Variants in PDE1C observed in about 807,000 individuals in gnomAD.
PDE1C encodes the protein dual specificity calcium/calmodulin-dependent 3',5'-cyclic nucleotide phosphodiesterase 1C.
Under a neutral mutation model 93.1 loss-of-function variants are expected in PDE1C, and 62 were observed. The ratio of observed to expected loss-of-function variants is 0.67; its 90% confidence interval spans 0.54 to 0.82. The LOEUF (loss-of-function observed/expected upper bound fraction) is 0.82. Among genes scored for constraint, PDE1C ranks in the 40% least tolerant of loss-of-function variants. The pLI, the probability that PDE1C is intolerant of heterozygous loss-of-function variation, is 0.00. For missense variants in PDE1C, 742 were observed against 884.6 expected (o/e 0.84, Z 2.04); for synonymous variants, 325 against 310.1 (o/e 1.05, Z -0.50).
intron 16 of PDE1C, among the ~76,000 whole-genome samples, chr7:31,798,142 C>A (rs968777062): frequency 6.6e-6 from 1 of 151,810 alleles, no homozygotes; most frequent in Non-Finnish European, 1.5e-5. Context: ...AAACCACCAA[C>A]TGGCCAGTTG....
intron 1 of PDE1C, among the ~76,000 whole-genome samples, chr7:32,376,727 G>A (rs916382695): frequency 6.6e-6 from 1 of 151,902 alleles, no homozygotes; most frequent in Non-Finnish European, 1.5e-5. Context: ...TCACTCTGTC[G>A]TCCAGGCTGG....
chr7:32,397,170 T>C (rs960649734), intron 1 of PDE1C, among the ~76,000 whole-genome samples: 1 of 151,878 alleles, frequency 6.6e-6, no homozygotes, highest in Non-Finnish European at 1.5e-5. Context: ...AAAAATATCA[T>C]AACCAAAGCC....
At chr7:32,015,744 AG>A (rs1787814002) in intron 2 of PDE1C, among the ~76,000 whole-genome samples, 3 of 152,224 alleles carry the variant, frequency 2.0e-5, no homozygotes, top group African/African-American at 4.8e-5. Context: ...ACCAAAAAAA[AG>A]ATACATGGTT....
intron 2 of PDE1C, among the ~76,000 whole-genome samples, chr7:32,021,347 C>G (rs1054683016): frequency 1.3e-5 from 2 of 152,108 alleles, no homozygotes; most frequent in African/African-American, 4.8e-5. Context: ...AAACTTTTAT[C>G]TACAAACCCC....
chr7:32,135,877 A>G (rs906962172), intron 3 of PDE1C, among the ~76,000 whole-genome samples: 6 of 152,228 alleles, frequency 3.9e-5, no homozygotes, highest in Admixed American at 2.0e-4. Flanking sequence ...CTAAGTGTCC[A>G]TCAGAGGATG....
chr7:31,770,028 C>T (rs931311064), intron 17 of PDE1C, among the ~76,000 whole-genome samples: 9 of 152,188 alleles, frequency 5.9e-5, no homozygotes, highest in Admixed American at 2.0e-4. Context: ...CCACCAGCAA[C>T]ATGTGAGGGT....
intron 2 of PDE1C, among the ~76,000 whole-genome samples, chr7:31,920,503 A>G (rs546077112): frequency 1.3e-5 from 2 of 152,298 alleles, no homozygotes; most frequent in East Asian, 3.9e-4. Context: ...AGTAAAAGAC[A>G]GAAAAAGCCA....
rs1400465425 is a variant in PDE1C, at chr7:31,938,730, A to G, written c.129-57870T>C. 3.3e-5 allele frequency among the ~76,000 whole-genome samples: 5 copies of G among 152,304 alleles called. No homozygotes were observed. The South Asian group carries it at 8.3e-4, about 25-fold the overall frequency. On this transcript the variant is annotated intron_variant, in intron 2 of 17. Coordinates refer to ENST00000396191, the MANE Select transcript of PDE1C (RefSeq NM_001191057.4). ...CTGAATGACACACAGCTCCTAGCAC[A>G]TAAAACTATTCAATAATTCACAAAT...
chr7:32,393,080 T>C (rs925756316), intron 1 of PDE1C, among the ~76,000 whole-genome samples: 2 of 113,326 alleles, frequency 1.8e-5, no homozygotes, highest in African/African-American at 3.2e-5. Context: ...AAAGCACACA[T>C]ATACATTCAG....
At chr7:32,144,849 T>A (rs1800739881) in intron 3 of PDE1C, among the ~76,000 whole-genome samples, 1 of 152,214 alleles carries the variant, frequency 6.6e-6, no homozygotes, top group East Asian at 1.9e-4. Flanking sequence ...TCTGCAGTCA[T>A]GGCTGGGTGT....
intron 2 of PDE1C, among the ~76,000 whole-genome samples, chr7:31,961,055 T>G (rs1808867044): frequency 6.6e-6 from 1 of 152,158 alleles, no homozygotes; most frequent in African/African-American, 2.4e-5. Context: ...AAAGTGTCAC[T>G]TTCTGTTTGA....
chr7:32,345,936 T>G (rs1783845731), intron 1 of PDE1C, among the ~76,000 whole-genome samples: 1 of 152,244 alleles, frequency 6.6e-6, no homozygotes, highest in South Asian at 2.1e-4. Context: ...GTTTGGCATT[T>G]TCTTAACAAG....
intron 1 of PDE1C, among the ~76,000 whole-genome samples, chr7:32,378,800 C>T (rs1476854209): frequency 6.6e-6 from 1 of 152,170 alleles, no homozygotes; most frequent in Non-Finnish European, 1.5e-5. Context: ...ACACCCCTTC[C>T]CCTTGAAAAA....
rs58057588 is a variant in PDE1C, at chr7:32,128,953, A to AT, written c.308+40831_308+40832insA. Among the ~76,000 whole-genome samples the AT allele has an allele frequency of 5.6e-3, 585 of 104,838 alleles. 41 individuals carry two copies. The highest frequency in any genetic ancestry group is 0.025 in the African/African-American group (539 of 21,260). 68.8% of individuals were successfully genotyped at this position (104,838 alleles called of 152,430 possible). ...TATATATATATATATATATATATAT[A>AT]AAGAAAAATCTAAAAAAAACAGAAA... is the stretch of plus-strand genomic sequence containing the variant. On this transcript the variant is annotated intron_variant, in intron 3 of 18. Transcript: ENST00000396193.
At chr7:31,724,972 A>G in the PDE1C span, among the ~76,000 whole-genome samples, 10 of 152,286 alleles carry the variant, frequency 6.6e-5, no homozygotes, top group Non-Finnish European at 1.2e-4. Flanking sequence ...ACAGGAAAAT[A>G]CCATTTAAAA....
chr7:31,877,458 T>C (rs922345393), intron 5 of PDE1C, among the ~76,000 whole-genome samples: 1 of 152,084 alleles, frequency 6.6e-6, no homozygotes, highest in African/African-American at 2.4e-5. Context: ...CATACGTTCA[T>C]GCAGTAAAAC....
chr7:31,646,306 C>A, the PDE1C span, among the ~76,000 whole-genome samples: 1 of 152,078 alleles, frequency 6.6e-6, no homozygotes, highest in African/African-American at 2.4e-5. Context: ...GTTTGAGAGT[C>A]TGTGAGGTAC....
In PDE1C at chr7:31,806,944, C is replaced by T. The variant is rs534479848; in HGVS notation, c.1891+2087G>A. ...ATATATCTCCTGATCTACATATTTC[C>T]TTTTTAAATTTTTCTGAAGTAGAGA... is the stretch of plus-strand genomic sequence containing the variant. On this transcript the variant is annotated intron_variant, in intron 16 of 17. Coordinates refer to ENST00000396191, the MANE Select transcript of PDE1C (RefSeq NM_001191057.4). Among the ~76,000 whole-genome samples the T allele has an allele frequency of 1.4e-3, 207 of 151,768 alleles. 1 individual carries two copies. Among genetic ancestry groups the T allele is most frequent in the African/African-American group, 4.8e-3 (197 of 41,454 alleles).
chr7:32,237,764 T>TATATATA (rs1562607071), intron 1 of PDE1C, among the ~76,000 whole-genome samples: 3 of 80,046 alleles, frequency 3.7e-5, no homozygotes, highest in African/African-American at 1.1e-4. Context: ...ATATATATAC[T>TATATATA]TTTTTTTTTT....
Sources: allele counts gnomAD v4.1 joint callset (sites outside exome capture counted in the v4.1 genomes callset), GRCh38; gene constraint gnomAD v4.1.1; transcripts MANE v1.5; gene names NCBI Gene and HGNC (gene_info 2026-07-23, HGNC 2026-07-21).